RBFOX1: variants seen among roughly 807,000 people sequenced by gnomAD.
The protein encoded by RBFOX1 is RNA binding protein fox-1 homolog 1.
A neutral mutation model predicts 57.7 loss-of-function variants in RBFOX1; 8 were observed. The observed-to-expected ratio is 0.14, with a 90% CI of 0.08 to 0.25. The LOEUF (loss-of-function observed/expected upper bound fraction) is 0.25, where lower values mean the gene tolerates loss of function less well. Ranked by LOEUF, RBFOX1 falls within the 10% of genes least tolerant of loss-of-function variation. The pLI is 1.00. For synonymous variants in RBFOX1, 326 were observed against 222.4 expected, an observed-to-expected ratio of 1.47 and a Z score of -4.15; for missense variants, 611 against 548.5, an observed-to-expected ratio of 1.11 and a Z score of -1.14.
intron 3 of RBFOX1, among the ~76,000 whole-genome samples, chr16:6,713,397 C>G (rs1238803051): frequency 6.6e-6 from 1 of 152,088 alleles, no homozygotes; most frequent in Non-Finnish European, 1.5e-5. Flanking sequence ...TGTTTAAGCT[C>G]TAATCTCCAG....
At position 5,341,815 on chromosome 16, in the gene RBFOX1, G is replaced by A. The variant is rs551952550; in HGVS notation, c.219+101710G>A. Among the ~76,000 whole-genome samples, 273 of 152,302 alleles carry A rather than the reference G, an allele frequency of 1.8e-3. 2 individuals carry two copies. Among genetic ancestry groups the A allele is most frequent in the South Asian group, 3.9e-3 (19 of 4,816 alleles). On this transcript the variant is annotated intron_variant, in intron 1 of 2. Transcript: ENST00000585867. The stretch of plus-strand genomic sequence containing the variant: ...ACACTTTATGGAAGGGGAACACGGA[G>A]TTCTCTTCGGACCATGTTAAGTTTG...
intron 3 of RBFOX1, among the ~76,000 whole-genome samples, chr16:5,795,577 C>A (rs2054850714): frequency 6.6e-6 from 1 of 152,138 alleles, no homozygotes; most frequent in Non-Finnish European, 1.5e-5. Flanking sequence ...AGACATGAAC[C>A]ACTGTGCCTA....
At chr16:6,723,021 A>G (rs17730813) in intron 3 of RBFOX1, among the ~76,000 whole-genome samples, 22,714 of 152,088 alleles carry the variant, frequency 0.15, 1,970 homozygotes, top group Non-Finnish European at 0.17. Flanking sequence ...CCCATCAGAG[A>G]TAAGTGGAAA....
intron 1 of RBFOX1, among the ~76,000 whole-genome samples, chr16:6,286,556 GA>G (rs1434354006): frequency 6.6e-6 from 1 of 152,206 alleles, no homozygotes. Context: ...TAAGTTTGGG[GA>G]GTTCTGGAAG....
chr16:6,328,664 G>T (rs1022546888), intron 2 of RBFOX1, among the ~76,000 whole-genome samples: 1 of 152,238 alleles, frequency 6.6e-6, no homozygotes, highest in Middle Eastern at 3.4e-3. Flanking sequence ...ATCCTTCTCA[G>T]CTCCAGTTTC....
chr16:6,657,313 A>G (rs1297360495), intron 3 of RBFOX1, among the ~76,000 whole-genome samples: 1 of 152,128 alleles, frequency 6.6e-6, no homozygotes, highest in Non-Finnish European at 1.5e-5. Flanking sequence ...ATTGTTAAGA[A>G]GAGATTGGGA....
At chr16:5,813,148 C>G (rs1036485267) in intron 3 of RBFOX1, among the ~76,000 whole-genome samples, 5 of 152,062 alleles carry the variant, frequency 3.3e-5, no homozygotes, top group African/African-American at 4.8e-5. Flanking sequence ...GCTGGAATTA[C>G]AGGCGCATGC....
intron 3 of RBFOX1, among the ~76,000 whole-genome samples, chr16:6,967,340 G>A (rs937316642): frequency 6.6e-6 from 1 of 152,134 alleles, no homozygotes; most frequent in African/African-American, 2.4e-5. Flanking sequence ...TCTACCAGCA[G>A]TGGGGTTGGC....
intron 2 of RBFOX1, among the ~76,000 whole-genome samples, chr16:6,624,457 C>G (rs1339870711): frequency 6.6e-6 from 1 of 152,136 alleles, no homozygotes; most frequent in East Asian, 1.9e-4. Context: ...GAATCAACCA[C>G]AGCCCTTCTG....
intron 2 of RBFOX1, among the ~76,000 whole-genome samples, chr16:5,565,682 G>A (rs1261289035): frequency 6.7e-6 from 1 of 149,704 alleles, no homozygotes; most frequent in Non-Finnish European, 1.5e-5. Flanking sequence ...TTTGCAAGTC[G>A]TTTTCCCTCT....
intron 3 of RBFOX1, among the ~76,000 whole-genome samples, chr16:5,711,934 A>G (rs2051502051): frequency 6.6e-6 from 1 of 152,220 alleles, no homozygotes; most frequent in South Asian, 2.1e-4. Flanking sequence ...TCACAGTGCT[A>G]AAAAGAAATA....
At chr16:7,147,430 C>G (rs368547112) in intron 4 of RBFOX1, among the ~76,000 whole-genome samples, 1 of 151,890 alleles carries the variant, frequency 6.6e-6, no homozygotes, top group African/African-American at 2.4e-5. Context: ...AGGTGGTGGG[C>G]GTAGTACTTG....
intron 1 of RBFOX1, among the ~76,000 whole-genome samples, chr16:6,193,398 A>ATATATATATATATATATATATAC (rs2097157885): frequency 1.6e-5 from 1 of 62,860 alleles, no homozygotes; most frequent in Non-Finnish European, 3.0e-5. Context: ...TATACTATAT[A>ATATATATATATATATATATATAC]TATATATATA....
intron 2 of RBFOX1, among the ~76,000 whole-genome samples, chr16:6,445,956 C>T (rs967008029): frequency 4.9e-5 from 6 of 121,956 alleles, no homozygotes; most frequent in Non-Finnish European, 1.0e-4. Context: ...GGTCCTTTCA[C>T]TTTTTTAAAT....
chr16:5,886,578 G>C lies in RBFOX1; in HGVS notation c.351+19243G>C, dbSNP rs144997882. ...GAATACCATTGGCCCTGAGCTGGAG[G>C]ATGACTCATTATTCAAATCGTCTCT... On this transcript the variant is annotated intron_variant, in intron 4 of 19. Coordinates refer to the RBFOX1 transcript ENST00000641259. Among the ~76,000 whole-genome samples, 27 of 152,292 alleles carry C rather than the reference G, an allele frequency of 1.8e-4. No individual in the cohort carries two copies. The East Asian group carries it at 5.0e-3, about 28-fold the overall frequency.
At chr16:5,431,945 A>G (rs1255979461) in intron 1 of RBFOX1, among the ~76,000 whole-genome samples, 2 of 151,916 alleles carry the variant, frequency 1.3e-5, no homozygotes, top group Non-Finnish European at 2.9e-5. Flanking sequence ...CGGACAACGG[A>G]GACTTTTTGG....
At chr16:7,602,389 G>T (rs547232319) in intron 9 of RBFOX1, among the ~76,000 whole-genome samples, 59 of 152,232 alleles carry the variant, frequency 3.9e-4, no homozygotes, top group Non-Finnish European at 7.6e-4. Context: ...GGGCTGGGGG[G>T]GCCCTGGGAG....
At chr16:6,658,031 G>A (rs2098672841) in intron 3 of RBFOX1, among the ~76,000 whole-genome samples, 1 of 151,842 alleles carries the variant, frequency 6.6e-6, no homozygotes, top group African/African-American at 2.4e-5. Context: ...GTATATTGTT[G>A]AATATCTTCT....
At chr16:7,300,478 G>A (rs186030014) in intron 4 of RBFOX1, among the ~76,000 whole-genome samples, 1 of 152,214 alleles carries the variant, frequency 6.6e-6, no homozygotes, top group Non-Finnish European at 1.5e-5. Flanking sequence ...GGAAGTGAAA[G>A]TAAAATATTT....
Sources: gnomAD v4.1 joint callset for allele counts (sites outside exome capture counted in the v4.1 genomes callset) on GRCh38, gnomAD v4.1.1 for gene constraint, MANE v1.5 for transcripts, NCBI Gene and HGNC (gene_info 2026-07-23, HGNC 2026-07-21) for gene names.